DACH1: variants seen among roughly 807,000 people sequenced by gnomAD.
DACH1 encodes the protein dachshund family transcription factor 1.
A neutral mutation model predicts 54.2 loss-of-function variants in DACH1; 12 were observed. That is an observed-to-expected ratio of 0.22 (90% CI 0.14 to 0.36). The LOEUF (loss-of-function observed/expected upper bound fraction) is 0.36. Among genes scored for constraint, DACH1 ranks in the 10% least tolerant of loss-of-function variants. The pLI is 1.00. For missense variants in DACH1, 805 were observed against 929.8 expected (o/e 0.87, Z 1.75); for synonymous variants, 386 against 366.2 (o/e 1.05, Z -0.62).
At chr13:71,548,719 C>A (rs752305062) in intron 6 of DACH1, among the ~76,000 whole-genome samples, 3 of 152,028 alleles carry the variant, frequency 2.0e-5, no homozygotes, top group Non-Finnish European at 4.4e-5. Flanking sequence ...GAGTTCGAGA[C>A]CAGCCTAGCC....
chr13:71,804,663 C>T (rs1465992085), intron 1 of DACH1, among the ~76,000 whole-genome samples: 1 of 152,124 alleles, frequency 6.6e-6, no homozygotes, highest in Admixed American at 6.6e-5. Flanking sequence ...ACAAAGTTCC[C>T]ACCCTCTGGA....
At chr13:71,789,572 ATATC>A (rs1398136041) in intron 1 of DACH1, among the ~76,000 whole-genome samples, 2 of 152,106 alleles carry the variant, frequency 1.3e-5, no homozygotes, top group Non-Finnish European at 2.9e-5. Flanking sequence ...ACCTTTTTCT[ATATC>A]TGTAAGAGTA....
At chr13:71,551,856 G>A (rs1883837151) in intron 6 of DACH1, among the ~76,000 whole-genome samples, 1 of 151,966 alleles carries the variant, frequency 6.6e-6, no homozygotes, top group African/African-American at 2.4e-5. Context: ...TTAGTGCTGT[G>A]TCCTTCACTT....
intron 3 of DACH1, among the ~76,000 whole-genome samples, chr13:71,616,293 G>A (rs1291500040): frequency 6.6e-6 from 1 of 152,140 alleles, no homozygotes; most frequent in Non-Finnish European, 1.5e-5. Context: ...AGGAAATGAT[G>A]CATGCATGAA....
At position 71,483,413 on chromosome 13, in the gene DACH1, TAC is replaced by T. The variant is rs993621528; in HGVS notation, c.1723-4099_1723-4098del. Among the ~76,000 whole-genome samples the T allele has an allele frequency of 1.7e-4, 25 of 147,064 alleles. No homozygotes were observed. The East Asian group carries it at 3.1e-3, about 18-fold the overall frequency. The stretch of plus-strand genomic sequence containing the variant: ...ATTAAATTATGATTAAATTTAATGT[TAC>T]AGTTAAAATTATTATATTTATATAA... On this transcript the variant is annotated intron_variant, in intron 7 of 10. Transcript: ENST00000613252.
At chr13:71,683,577 C>T (rs1427778728) in intron 1 of DACH1, among the ~76,000 whole-genome samples, 1 of 152,074 alleles carries the variant, frequency 6.6e-6, no homozygotes, top group African/African-American at 2.4e-5. Flanking sequence ...GGAAAACGAG[C>T]AAGACTGTTT....
At chr13:71,511,930 G>C (rs888200511) in intron 6 of DACH1, among the ~76,000 whole-genome samples, 2 of 151,830 alleles carry the variant, frequency 1.3e-5, no homozygotes, top group African/African-American at 4.8e-5. Context: ...CTGGCCTTGG[G>C]TCCTGCTTCT....
chr13:71,550,787 A>G (rs1471677596), intron 6 of DACH1, among the ~76,000 whole-genome samples: 1 of 152,156 alleles, frequency 6.6e-6, no homozygotes, highest in African/African-American at 2.4e-5. Context: ...CACAGAACTA[A>G]AAGTGATGGC....
chr13:71,628,677 T>C (rs1876845136), intron 3 of DACH1, among the ~76,000 whole-genome samples: 1 of 152,096 alleles, frequency 6.6e-6, no homozygotes, highest in African/African-American at 2.4e-5. Context: ...AAATTGTTTG[T>C]TTTTAAGTCA....
intron 1 of DACH1, among the ~76,000 whole-genome samples, chr13:71,719,137 C>T (rs959039260): frequency 6.6e-5 from 10 of 152,068 alleles, no homozygotes; most frequent in African/African-American, 1.9e-4. Flanking sequence ...CTAAACCCTG[C>T]GAGGATTTAA....
intron 6 of DACH1, among the ~76,000 whole-genome samples, chr13:71,515,784 T>C (rs1231813640): frequency 6.6e-6 from 1 of 151,978 alleles, no homozygotes; most frequent in Non-Finnish European, 1.5e-5. Flanking sequence ...GTCATCTCAC[T>C]GATGACATCA....
chr13:71,511,928 G>C (rs1880805709), intron 6 of DACH1, among the ~76,000 whole-genome samples: 1 of 151,822 alleles, frequency 6.6e-6, no homozygotes, highest in Non-Finnish European at 1.5e-5. Flanking sequence ...CTCTGGCCTT[G>C]GGTCCTGCTT....
intron 1 of DACH1, among the ~76,000 whole-genome samples, chr13:71,715,897 G>A (rs878965800): frequency 6.6e-6 from 1 of 151,762 alleles, no homozygotes; most frequent in East Asian, 1.9e-4. Flanking sequence ...ACAAACATCT[G>A]GGAATACAGA....
At chr13:71,596,102 G>GTT (rs1874075005) in intron 3 of DACH1, among the ~76,000 whole-genome samples, 1 of 143,904 alleles carries the variant, frequency 6.9e-6, no homozygotes, top group African/African-American at 2.9e-5. Flanking sequence ...TCACATATAT[G>GTT]TATTTTTTTT....
At chr13:71,527,921 A>G (rs1460661168) in intron 6 of DACH1, among the ~76,000 whole-genome samples, 2 of 152,170 alleles carry the variant, frequency 1.3e-5, no homozygotes, top group Non-Finnish European at 2.9e-5. Flanking sequence ...AAATTTGTTA[A>G]CACTTTTTTT....
chr13:71,723,162 G>C (rs1883305093), intron 1 of DACH1, among the ~76,000 whole-genome samples: 4 of 151,952 alleles, frequency 2.6e-5, no homozygotes, highest in Admixed American at 2.0e-4. Context: ...AGCACTTTGG[G>C]AGGTTGAGGC....
chr13:71,468,405 T>G (rs999807944), intron 10 of DACH1, among the ~76,000 whole-genome samples: 1 of 152,176 alleles, frequency 6.6e-6, no homozygotes, highest in Non-Finnish European at 1.5e-5. Flanking sequence ...GGCAGAGATT[T>G]CAGTCTAGAT....
At chr13:71,471,162 A>T (rs1202982154) in intron 10 of DACH1, among the ~76,000 whole-genome samples, 1 of 152,076 alleles carries the variant, frequency 6.6e-6, no homozygotes, top group Non-Finnish European at 1.5e-5. Flanking sequence ...CAGAGATTGG[A>T]GGGAAAGAGT....
intron 1 of DACH1, among the ~76,000 whole-genome samples, chr13:71,767,869 G>A (rs1350667851): frequency 6.6e-6 from 1 of 151,890 alleles, no homozygotes; most frequent in African/African-American, 2.4e-5. Context: ...ATAAGTTTCA[G>A]TGGGATGAGA....
Sources: gnomAD v4.1 joint callset for allele counts (sites outside exome capture counted in the v4.1 genomes callset) on GRCh38, gnomAD v4.1.1 for gene constraint, MANE v1.5 for transcripts, NCBI Gene and HGNC (gene_info 2026-07-23, HGNC 2026-07-21) for gene names.